The following C1orf94 variants were observed in gnomAD, a reference collection of about 807,000 sequenced individuals.
C1orf94 encodes the protein chromosome 1 open reading frame 94.
A neutral mutation model predicts 53.6 loss-of-function variants in C1orf94; 45 were observed. That is an observed-to-expected ratio of 0.84 (90% confidence interval 0.66 to 1.08). C1orf94 has a LOEUF of 1.08. Ranked by LOEUF, C1orf94 falls within the 50% of genes least tolerant of loss-of-function variation. The pLI, the probability that C1orf94 is intolerant of heterozygous loss-of-function variation, is 0.00. For missense variants in C1orf94, 762 were observed against 738.9 expected (o/e 1.03, Z -0.36); for synonymous variants, 304 against 296.1 (o/e 1.03, Z -0.27).
chr1:34,215,648 G>A (rs1642975000), intron 6 of C1orf94, among the ~76,000 whole-genome samples: 1 of 152,122 alleles, frequency 6.6e-6, no homozygotes, highest in South Asian at 2.1e-4. Flanking sequence ...GAGGGAAAGG[G>A]AAAAGTCAAA....
rs571130995 is a variant in C1orf94, at chr1:34,212,527, G to A, written c.1721+121G>A. On this transcript the variant is annotated intron_variant, in intron 6 of 6. Transcript: ENST00000488417. ...TGTTCCATGGCTGTGGGGTGGGATG[G>A]GCCCTGTACCTGTGGCTGGTGGTTG... The A allele has an allele frequency of 2.3e-4, 236 of 1,023,702 alleles. No homozygotes were observed. In the Middle Eastern group the frequency reaches 3.1e-3, roughly 13 times the overall value. 63.4% of individuals were successfully genotyped at this position (1,023,702 alleles called of 1,614,324 possible).
At position 34,202,091 on chromosome 1, in the gene C1orf94, A is replaced by C. The variant is rs767743604; in HGVS notation, c.1278A>C (p.Ala426=). 1.4e-5 allele frequency: 23 copies of C among 1,613,234 alleles called. No individual in the cohort carries two copies. The highest frequency in any genetic ancestry group is 1.9e-5 in the Non-Finnish European group (22 of 1,179,670). ...EVDGPELKFN[A]PVTVADKNNP... is the part of the protein sequence containing the mutation. ...CTCTCCTGTGACTTGCAGTTAACGCACCTGTGACGGTTGCTGACAAGAACA... is the reference window on the plus strand; with the variant it reads ...CTCTCCTGTGACTTGCAGTTAACGCCCCTGTGACGGTTGCTGACAAGAACA... Residue 426 remains alanine, a synonymous_variant, in exon 4 of 7, where the codon GCA becomes GCC. Transcript: ENST00000488417.
intron 4 of C1orf94, among the ~76,000 whole-genome samples, chr1:34,206,770 G>A (rs961122782): frequency 6.6e-6 from 1 of 152,200 alleles, no homozygotes; most frequent in Non-Finnish European, 1.5e-5. Context: ...GCAGGGACCG[G>A]GCAGTGGTCA....
intron 4 of C1orf94, among the ~76,000 whole-genome samples, chr1:34,203,264 A>G (rs1414805348): frequency 2.6e-5 from 4 of 152,206 alleles, no homozygotes; most frequent in South Asian, 2.1e-4. Flanking sequence ...CAGCCTCCCA[A>G]GTAGCTGGGA....
At chr1:34,183,875 GT>G in intron 1 of C1orf94, among the ~76,000 whole-genome samples, 1 of 151,650 alleles carries the variant, frequency 6.6e-6, no homozygotes, top group African/African-American at 2.4e-5. Context: ...AAAAAAATTA[GT>G]ATGCACCTAT....
chr1:34,210,989 G>C (rs562771110), intron 5 of C1orf94, among the ~76,000 whole-genome samples: 1 of 152,122 alleles, frequency 6.6e-6, no homozygotes, highest in South Asian at 2.1e-4. Flanking sequence ...AGGGTGTATG[G>C]GGTGAGAGAG....
intron 1 of C1orf94, among the ~76,000 whole-genome samples, chr1:34,188,583 A>G (rs1642424648): frequency 6.6e-6 from 1 of 151,936 alleles, no homozygotes; most frequent in Non-Finnish European, 1.5e-5. Context: ...GGCCAGCAGG[A>G]CTCCAAAGCC....
intron 4 of C1orf94, 40 bp from the exon 5 acceptor site, chr1:34,208,117 A>AC: frequency 6.3e-7 from 1 of 1,599,852 alleles, no homozygotes; most frequent in Non-Finnish European, 8.6e-7. Context: ...CTGGCAGGAA[A>AC]CCCCTTGCCT....
intron 5 of C1orf94, among the ~76,000 whole-genome samples, chr1:34,209,290 A>G (rs925163943): frequency 8.0e-6 from 1 of 124,460 alleles, no homozygotes; most frequent in Non-Finnish European, 1.6e-5. Context: ...ATGCAAACAC[A>G]CACACACACA....
rs564492135 is a variant in C1orf94 at position 34,208,210 on chromosome 1, G to A, written c.1500G>A (p.Pro500=). 1.5e-5 allele frequency: 24 copies of A among 1,613,956 alleles called. No homozygotes were observed. Among genetic ancestry groups the A allele is most frequent in the South Asian group, 4.4e-5 (4 of 90,990 alleles). Residue 500 remains proline, a synonymous_variant, in exon 5 of 7, where the codon CCG becomes CCA. Transcript: ENST00000488417. ...ARMPYQQALH[P]QLGCYSQQVM... ...TGCCCTATCAGCAGGCTTTGCACCC[G>A]CAGCTGGGATGTTACTCCCAACAGG...
chr1:34,213,380 G>A (rs1557491234), intron 6 of C1orf94, among the ~76,000 whole-genome samples: 1 of 152,148 alleles, frequency 6.6e-6, no homozygotes, highest in East Asian at 1.9e-4. Context: ...TCAGTAGTCA[G>A]ATCTGTTTGG....
intron 5 of C1orf94, 92 bp from the exon 6 acceptor site, chr1:34,212,118 G>C: frequency 8.6e-7 from 1 of 1,164,518 alleles, no homozygotes; most frequent in Non-Finnish European, 1.2e-6. Flanking sequence ...AGTGACTGAG[G>C]AGCACAGGGG....
intron 3 of C1orf94, 116 bp downstream of exon 3, chr1:34,201,148 T>C: frequency 7.1e-7 from 1 of 1,414,990 alleles, no homozygotes; most frequent in Non-Finnish European, 9.4e-7. Context: ...TCTAGAGGTG[T>C]CAGTTTTTAA....
At chr1:34,208,002 C>T (rs541112477) in intron 4 of C1orf94, among the ~76,000 whole-genome samples, 155 bp from the exon 5 acceptor site, 1 of 152,314 alleles carries the variant, frequency 6.6e-6, no homozygotes, top group South Asian at 2.1e-4. Context: ...TCCTGCTTCT[C>T]CTGGCCTGGT....
At chr1:34,180,365 G>GAAT (rs1198130652) in intron 1 of C1orf94, among the ~76,000 whole-genome samples, 1 of 152,162 alleles carries the variant, frequency 6.6e-6, no homozygotes, top group Non-Finnish European at 1.5e-5. Context: ...CAAACACATA[G>GAAT]AATAATAATA....
chr1:34,177,910 C>T lies in C1orf94; in HGVS notation c.121C>T (p.Pro41Ser). ...ATCCTCGGCCCTGGTGGCCAAGGGCCCCTGCGCCCTGGGCCCATTCCCCAG... is the reference window on the plus strand; with the variant it reads ...ATCCTCGGCCCTGGTGGCCAAGGGCTCCTGCGCCCTGGGCCCATTCCCCAG... ...PSSSALVAKG[P>S]CALGPFPRYI... Residue 41 changes from proline (P) to serine (S), a missense_variant, in exon 1 of 7, where the codon CCC becomes TCC. Transcript: ENST00000488417. 1.3e-6 allele frequency: 2 copies of T among 1,551,642 alleles called. No homozygotes were observed. The highest frequency in any genetic ancestry group is 8.7e-7 in the Non-Finnish European group (1 of 1,146,938).
At chr1:34,171,191 C>G (rs1210050495) in intron 1 of C1orf94, among the ~76,000 whole-genome samples, 1 of 152,140 alleles carries the variant, frequency 6.6e-6, no homozygotes, top group East Asian at 1.9e-4. Context: ...CTCCCTATTC[C>G]CAAATCCCTC....
intron 6 of C1orf94, among the ~76,000 whole-genome samples, chr1:34,215,015 A>G (rs909566286): frequency 5.9e-5 from 9 of 152,190 alleles, no homozygotes; most frequent in Non-Finnish European, 2.9e-5. Flanking sequence ...GAAGTGAACG[A>G]AAAAAAGGTT....
At chr1:34,179,169 G>A (rs148043333) in intron 1 of C1orf94, among the ~76,000 whole-genome samples, 2 of 152,378 alleles carry the variant, frequency 1.3e-5, no homozygotes, top group African/African-American at 2.4e-5. Context: ...ACTACCTGCT[G>A]TCCCTCTGTG....
Sources: allele counts gnomAD v4.1 joint callset (sites outside exome capture counted in the v4.1 genomes callset), GRCh38; gene constraint gnomAD v4.1.1; transcripts MANE v1.5; gene names NCBI Gene and HGNC (gene_info 2026-07-23, HGNC 2026-07-21).